PDE2A: variants seen among roughly 807,000 people sequenced by gnomAD.
The protein encoded by PDE2A is phosphodiesterase 2A.
PDE2A carries 53 observed loss-of-function variants against 133.6 expected under a neutral mutation model. The observed-to-expected ratio is 0.40, with a 90% CI of 0.32 to 0.50. The LOEUF (loss-of-function observed/expected upper bound fraction) is 0.50, where lower values mean the gene tolerates loss of function less well. Among genes scored for constraint, PDE2A ranks in the 20% least tolerant of loss-of-function variants. The pLI is 0.73. For missense variants in PDE2A, 796 were observed against 1,232.4 expected (o/e 0.65, Z 5.30); for synonymous variants, 491 against 490.2 (o/e 1.00, Z -0.02).
At chr11:72,592,647 G>C (rs1222380317) in intron 6 of PDE2A, among the ~76,000 whole-genome samples, 1 of 152,174 alleles carries the variant, frequency 6.6e-6, no homozygotes, top group Non-Finnish European at 1.5e-5. Flanking sequence ...TGTGGTCCAT[G>C]GTACCACAGA....
chr11:72,632,699 CT>C (rs1274007912), intron 2 of PDE2A, among the ~76,000 whole-genome samples: 2 of 152,166 alleles, frequency 1.3e-5, no homozygotes, highest in Non-Finnish European at 2.9e-5. Flanking sequence ...GGGCTACCTG[CT>C]GAGCAGCCAG....
intron 2 of PDE2A, among the ~76,000 whole-genome samples, chr11:72,610,589 G>A (rs1857164403): frequency 1.3e-5 from 2 of 152,060 alleles, no homozygotes; most frequent in Non-Finnish European, 2.9e-5. Flanking sequence ...CCAACCCCCA[G>A]GCTTCCTTGG....
In PDE2A at chr11:72,597,697, G is replaced by T; in HGVS notation, c.324-78C>A. On this transcript the variant is annotated intron_variant, in intron 4 of 30. Transcript: ENST00000334456. The surrounding 1 kb of genome is among the most constrained non-coding windows in gnomAD (Gnocchi z 4.6). ...AGGCCTGGCCTGGGAACACAGGACA[G>T]TTTGGACCCTGCACATGTGCAAGGA... 1 of 924,190 alleles carries T rather than the reference G, an allele frequency of 1.1e-6. No individual in the cohort carries two copies. Among genetic ancestry groups the T allele is most frequent in the Non-Finnish European group, 1.7e-6 (1 of 584,062 alleles). 57.2% of individuals were successfully genotyped at this position (924,190 alleles called of 1,614,324 possible). A position where few individuals can be genotyped will look rare whatever the true frequency, so the allele number is the denominator to read the frequency against.
At chr11:72,600,579 G>T (rs1184422421) in intron 4 of PDE2A, among the ~76,000 whole-genome samples, 1 of 152,142 alleles carries the variant, frequency 6.6e-6, no homozygotes, top group Non-Finnish European at 1.5e-5. Context: ...GGGGGAATGT[G>T]CCAAGGCTGA....
intron 25 of PDE2A, chr11:72,579,912 T>C (rs888872894): frequency 1.3e-5 from 5 of 384,636 alleles, no homozygotes; most frequent in African/African-American, 2.0e-5. Context: ...TTTGGAGTCC[T>C]AGACACCAAA....
chr11:72,645,377 C>T (rs766007586), intron 1 of PDE2A, among the ~76,000 whole-genome samples: 9 of 152,220 alleles, frequency 5.9e-5, no homozygotes, highest in Non-Finnish European at 8.8e-5. Flanking sequence ...TCACACAATC[C>T]TTGAAATTCC....
intron 2 of PDE2A, among the ~76,000 whole-genome samples, chr11:72,622,545 A>C (rs920460344): frequency 6.6e-6 from 1 of 152,260 alleles, no homozygotes; most frequent in Non-Finnish European, 1.5e-5. Flanking sequence ...ATGCTACAAC[A>C]TGGGTAAAAC....
intron 20 of PDE2A, among the ~76,000 whole-genome samples, chr11:72,582,965 G>A (rs1855789758): frequency 6.6e-6 from 1 of 152,150 alleles, no homozygotes. Context: ...CTCTGGTTTG[G>A]ACACAGGTGA....
intron 1 of PDE2A, among the ~76,000 whole-genome samples, chr11:72,653,376 G>A (rs539642871): frequency 1.2e-4 from 19 of 152,166 alleles, no homozygotes; most frequent in Non-Finnish European, 5.9e-5. Flanking sequence ...AGAGAGATTC[G>A]GGAAGGTGGA....
At chr11:72,627,970 G>A (rs1858169411) in intron 2 of PDE2A, among the ~76,000 whole-genome samples, 1 of 152,260 alleles carries the variant, frequency 6.6e-6, no homozygotes, top group African/African-American at 2.4e-5. Flanking sequence ...TGGCACAGGG[G>A]CTAGGTAACC....
intron 1 of PDE2A, among the ~76,000 whole-genome samples, chr11:72,653,691 C>CA (rs1330309504): frequency 6.6e-6 from 1 of 152,208 alleles, no homozygotes; most frequent in Non-Finnish European, 1.5e-5. Context: ...AATACCAGGT[C>CA]AAGGGCACCG....
chr11:72,659,343 G>A (rs959716040), intron 1 of PDE2A: 2 of 151,164 alleles, frequency 1.3e-5, no homozygotes, highest in Middle Eastern at 3.4e-3. Flanking sequence ...GCTCTGACTC[G>A]GCCTTTCTTC....
chr11:72,599,116 C>T, intron 4 of PDE2A: 1 of 773,374 alleles, frequency 1.3e-6, no homozygotes, highest in Non-Finnish European at 1.6e-6. Flanking sequence ...TGGCACTGGT[C>T]CTTGCGTTGC....
chr11:72,585,222 G>A, intron 16 of PDE2A, 149 bp downstream of exon 16: 1 of 731,438 alleles, frequency 1.4e-6, no homozygotes, highest in South Asian at 1.6e-5. Context: ...AGTCTAGCGA[G>A]GGAGACAGGC....
chr11:72,587,820 C>T (rs1856045142), intron 13 of PDE2A: 1 of 152,278 alleles, frequency 6.6e-6, no homozygotes, highest in Non-Finnish European at 1.5e-5. Context: ...ACTGTCAACA[C>T]AGTTCCATGC....
chr11:72,629,851 A>G (rs943425315), intron 2 of PDE2A, among the ~76,000 whole-genome samples: 1 of 152,136 alleles, frequency 6.6e-6, no homozygotes, highest in Non-Finnish European at 1.5e-5. Flanking sequence ...AGCAGCCCCT[A>G]CCTCATGGGG....
At chr11:72,599,533 T>C (rs1327773623) in intron 4 of PDE2A, among the ~76,000 whole-genome samples, 1 of 152,048 alleles carries the variant, frequency 6.6e-6, no homozygotes, top group Non-Finnish European at 1.5e-5. Flanking sequence ...CCCAGTTGTC[T>C]CTCACAACTG....
chr11:72,581,868 C>T lies in PDE2A; in HGVS notation c.1922+9G>A, dbSNP rs1004127235. The T allele has an allele frequency of 8.7e-6, 14 of 1,612,772 alleles. No homozygotes were observed. The highest frequency in any genetic ancestry group is 2.2e-5 in the South Asian group (2 of 91,032). On this transcript the variant is annotated intron_variant, in intron 22 of 30. Coordinates refer to ENST00000334456, the MANE Select transcript of PDE2A (RefSeq NM_002599.5). The stretch of plus-strand genomic sequence containing the variant: ...GGCGAAGACTGGGGCTGTCTGTGGG[C>T]GCACGAACCGGGCCAGGGTCGGGCA...
At chr11:72,668,243 G>A in intron 1 of PDE2A, 1 of 717,446 alleles carries the variant, frequency 1.4e-6, no homozygotes, top group South Asian at 1.5e-5. Flanking sequence ...GAAAGAGCAG[G>A]AGCTCTGGAA....
Sources: allele counts gnomAD v4.1 joint callset (sites outside exome capture counted in the v4.1 genomes callset), GRCh38; gene constraint gnomAD v4.1.1; non-coding constraint Gnocchi (gnomAD v3.1); transcripts MANE v1.5; gene names NCBI Gene and HGNC (gene_info 2026-07-23, HGNC 2026-07-21).